The following COPRS variants were observed in gnomAD, a reference collection of about 807,000 sequenced individuals.
The protein encoded by COPRS is coordinator of PRMT5 and differentiation stimulator.
Under a neutral mutation model 19.9 loss-of-function variants are expected in COPRS, and 11 were observed. The ratio of observed to expected loss-of-function variants is 0.55; its 90% CI spans 0.35 to 0.92. The LOEUF (loss-of-function observed/expected upper bound fraction) is 0.92. Among genes scored for constraint, COPRS ranks in the 40% least tolerant of loss-of-function variants. The pLI is 0.01. For synonymous variants in COPRS, 81 were observed against 82.7 expected (o/e 0.98, Z 0.11); for missense variants, 225 against 229.9 (o/e 0.98, Z 0.14).
At chr17:31,852,765 G>A (rs1909202753) in intron 3 of COPRS, 47 bp downstream of exon 3, 8 of 1,359,690 alleles carry the variant, frequency 5.9e-6, no homozygotes, top group African/African-American at 1.4e-5. Context: ...TCTGACAGGT[G>A]TGTCTGAGAA....
At chr17:31,854,952 G>A (rs766803250) in intron 2 of COPRS, among the ~76,000 whole-genome samples, 29 of 152,258 alleles carry the variant, frequency 1.9e-4, no homozygotes, top group African/African-American at 4.8e-4. Flanking sequence ...AATTATATGC[G>A]TTAAAATGGT....
At chr17:31,856,973 G>A in intron 1 of COPRS, 108 bp from the exon 2 acceptor site, 1 of 740,698 alleles carries the variant, frequency 1.4e-6, no homozygotes, top group South Asian at 1.5e-5. Context: ...CCTTGGTGAT[G>A]CAGGGCTGGG....
At chr17:31,852,756 C>A in intron 3 of COPRS, 56 bp downstream of exon 3, 1 of 1,293,040 alleles carries the variant, frequency 7.7e-7, no homozygotes, top group South Asian at 1.2e-5. Context: ...CAGGGCTGGT[C>A]TGACAGGTGT....
chr17:31,854,355 C>CAAAAA (rs34371712), intron 2 of COPRS, among the ~76,000 whole-genome samples: 6 of 46,430 alleles, frequency 1.3e-4, no homozygotes, highest in African/African-American at 3.4e-4. Context: ...ACCCTGTCTC[C>CAAAAA]AAAAAAAAAA....
At chr17:31,855,935 AG>A (rs1309159841) in intron 2 of COPRS, among the ~76,000 whole-genome samples, 1 of 142,550 alleles carries the variant, frequency 7.0e-6, no homozygotes, top group African/African-American at 2.5e-5. Flanking sequence ...CAGAGGTTGC[AG>A]TGAGCCAAGA....
chr17:31,857,053 C>T (rs983620462), intron 1 of COPRS, among the ~76,000 whole-genome samples, 188 bp from the exon 2 acceptor site: 6 of 152,186 alleles, frequency 3.9e-5, no homozygotes, highest in Admixed American at 6.5e-5. Flanking sequence ...GGCCTTGTTC[C>T]TTCCTATTCA....
chr17:31,856,950 T>C, intron 1 of COPRS, 85 bp from the exon 2 acceptor site: 1 of 811,106 alleles, frequency 1.2e-6, no homozygotes. Context: ...CCCCACCCAC[T>C]CTTCCATACT....
chr17:31,852,060 T>C lies in COPRS; in HGVS notation c.*79A>G. 1 of 1,556,984 alleles carries C rather than the reference T, an allele frequency of 6.4e-7. No homozygotes were observed. The highest frequency in any genetic ancestry group is 8.8e-7 in the Non-Finnish European group (1 of 1,133,832). On this transcript the variant is annotated 3_prime_UTR_variant, in exon 4 of 4. Transcript: ENST00000302362. ...GGGTCACTGCAAACATTTTCTCAGATATGACTTTTCACCTCCAAGACAGGA... is the reference window on the plus strand; with the variant it reads ...GGGTCACTGCAAACATTTTCTCAGACATGACTTTTCACCTCCAAGACAGGA...
intron 1 of COPRS, chr17:31,858,408 A>G (rs1909427115): frequency 1.0e-6 from 1 of 985,286 alleles, no homozygotes; most frequent in South Asian, 4.7e-5. Flanking sequence ...TCATTCATCC[A>G]GTCGGTATGT....
chr17:31,852,181 C>T lies in COPRS; in HGVS notation c.513G>A (p.Lys171=). The change falls in exon 4 of 4, where the codon AAG becomes AAA. Residue 171 remains lysine, a synonymous_variant. Coordinates refer to ENST00000302362, the MANE Select transcript of COPRS (RefSeq NM_018405.4). ...CAAACTGTCCTGTTTCAAAGACCAT[C>T]TTGGAATAATAGGGTATCAGTGGAG... is the stretch of plus-strand genomic sequence containing the variant. The part of the protein sequence containing the change: ...HPPPLIPYYS[K]MVFETGQFDD... The T allele has an allele frequency of 6.2e-7, 1 of 1,614,156 alleles. No individual in the cohort carries two copies. The highest frequency in any genetic ancestry group is 8.5e-7 in the Non-Finnish European group (1 of 1,180,018).
Position 31,859,242 on chromosome 17 carries a change from C to G in COPRS, c.-43G>C. The G allele has an allele frequency of 1.1e-6, 1 of 870,886 alleles. No homozygotes were observed. Among genetic ancestry groups the G allele is most frequent in the Non-Finnish European group, 1.4e-6 (1 of 715,804 alleles). 53.9% of individuals were successfully genotyped at this position (870,886 alleles called of 1,614,324 possible). A position where few individuals can be genotyped will look rare whatever the true frequency, so the allele number is the denominator to read the frequency against. ...TGGTCGCCCTGGACGCCGTGGGCCACGTGACGCGCCGGCCCGGCTGCCCGC... is the reference window on the plus strand; with the variant it reads ...TGGTCGCCCTGGACGCCGTGGGCCAGGTGACGCGCCGGCCCGGCTGCCCGC... On this transcript the variant is annotated 5_prime_UTR_variant, in exon 1 of 4. Transcript: ENST00000302362.
chr17:31,852,722 TG>T, intron 3 of COPRS, 89 bp downstream of exon 3: 1 of 875,008 alleles, frequency 1.1e-6, no homozygotes, highest in Non-Finnish European at 2.0e-6. Flanking sequence ...CTCATAGATG[TG>T]GACCCCTGTT....
intron 2 of COPRS, among the ~76,000 whole-genome samples, chr17:31,854,562 A>C (rs1909270381): frequency 6.6e-6 from 1 of 152,140 alleles, no homozygotes. Context: ...CACAACATCA[A>C]ATGTCCATCA....
chr17:31,855,335 A>G (rs1189537158), intron 2 of COPRS, among the ~76,000 whole-genome samples: 3 of 152,054 alleles, frequency 2.0e-5, no homozygotes, highest in Non-Finnish European at 2.9e-5. Flanking sequence ...GTAAAATCCT[A>G]TCTCTACTAA....
intron 2 of COPRS, among the ~76,000 whole-genome samples, chr17:31,856,351 TGAGA>T (rs1255547638): frequency 3.3e-5 from 5 of 152,280 alleles, no homozygotes; most frequent in South Asian, 2.1e-4. Flanking sequence ...AAAGATATTT[TGAGA>T]GAGAACACAT....
chr17:31,852,537 A>T lies in COPRS; in HGVS notation c.386-229T>A, dbSNP rs548287122. ...TAGCAGTGAAGAAGCAAACTGGATAACACAGCACTTCTATCTGCAGCTGCT... is the reference window on the plus strand; with the variant it reads ...TAGCAGTGAAGAAGCAAACTGGATATCACAGCACTTCTATCTGCAGCTGCT... On this transcript the variant is annotated intron_variant, in intron 3 of 3. Coordinates refer to ENST00000302362, the MANE Select transcript of COPRS (RefSeq NM_018405.4). 5.9e-5 allele frequency among the ~76,000 whole-genome samples: 9 copies of T among 152,372 alleles called. No individual in the cohort carries two copies. The South Asian group carries it at 1.9e-3, about 32-fold the overall frequency.
At chr17:31,859,052 GC>G (rs1341232875) in intron 1 of COPRS, 48 bp downstream of exon 1, 1 of 1,153,150 alleles carries the variant, frequency 8.7e-7, no homozygotes, top group Non-Finnish European at 1.1e-6. Context: ...GCGACTTCCC[GC>G]CCCAGGCTGC....
At chr17:31,858,384 C>T (rs1022398054) in intron 1 of COPRS, 2 of 985,292 alleles carry the variant, frequency 2.0e-6, no homozygotes, top group Non-Finnish European at 2.4e-6. Flanking sequence ...TGGCTAAGTA[C>T]CATCTTTGAG....
At chr17:31,854,062 TTGTC>T in intron 2 of COPRS, among the ~76,000 whole-genome samples, 1 of 152,074 alleles carries the variant, frequency 6.6e-6, no homozygotes, top group African/African-American at 2.4e-5. Flanking sequence ...AATCCGTGTT[TTGTC>T]AATTACCAAA....
Sources: gnomAD v4.1 joint callset for allele counts (sites outside exome capture counted in the v4.1 genomes callset) on GRCh38, gnomAD v4.1.1 for gene constraint, MANE v1.5 for transcripts, NCBI Gene and HGNC (gene_info 2026-07-23, HGNC 2026-07-21) for gene names.